Variants in PPEF2 observed in about 807,000 individuals in gnomAD.
PPEF2 encodes protein phosphatase with EF-hand domain 2.
Under a neutral mutation model 84.7 loss-of-function variants are expected in PPEF2, and 84 were observed. The ratio of observed to expected loss-of-function variants is 0.99; its 90% confidence interval spans 0.83 to 1.19. The LOEUF (loss-of-function observed/expected upper bound fraction) is 1.19. Among genes scored for constraint, PPEF2 ranks in the 50% most tolerant of loss-of-function variants. The pLI is 0.00. For missense variants in PPEF2, 924 were observed against 937.5 expected (o/e 0.99, Z 0.19); for synonymous variants, 346 against 345.2 (o/e 1.00, Z -0.03).
intron 13 of PPEF2, among the ~76,000 whole-genome samples, chr4:75,871,497 G>A (rs1254496906): frequency 1.3e-5 from 2 of 152,026 alleles, no homozygotes; most frequent in Non-Finnish European, 2.9e-5. Context: ...TTTTGAGACA[G>A]CCTTGCTCTG....
chr4:75,898,332 T>C (rs1847731), intron 1 of PPEF2, among the ~76,000 whole-genome samples: 115,792 of 152,198 alleles, frequency 0.76, 45,438 homozygotes, highest in East Asian at 0.99. Context: ...GTTCCCAACA[T>C]TCGTCTCTCT....
At chr4:75,873,825 G>A (rs961157904) in intron 11 of PPEF2, among the ~76,000 whole-genome samples, 1 of 151,722 alleles carries the variant, frequency 6.6e-6, no homozygotes, top group African/African-American at 2.4e-5. Context: ...TTGCAGAAGA[G>A]GCCAGGCATG....
chr4:75,885,737 G>T (rs532005757), intron 7 of PPEF2, among the ~76,000 whole-genome samples: 1 of 151,982 alleles, frequency 6.6e-6, no homozygotes, highest in African/African-American at 2.4e-5. Context: ...TAGGCCAGGC[G>T]CGGTGGCTCA....
At position 75,890,708 on chromosome 4, in the gene PPEF2, C is replaced by T. The variant is rs184628564; in HGVS notation, c.242-576G>A. 1.8e-4 allele frequency among the ~76,000 whole-genome samples: 27 copies of T among 152,108 alleles called. No individual in the cohort carries two copies. The East Asian group carries it at 5.0e-3, about 28-fold the overall frequency. On this transcript the variant is annotated intron_variant, in intron 4 of 16. Transcript: ENST00000286719. ...AAATTTAGGGACCTGGATTTGCAAG[C>T]AGAAGGAAAGGGGAAAGCCAGTGTG... is the stretch of plus-strand genomic sequence containing the variant.
chr4:75,870,518 C>G (rs1417971491), intron 13 of PPEF2, among the ~76,000 whole-genome samples: 1 of 152,218 alleles, frequency 6.6e-6, no homozygotes, highest in African/African-American at 2.4e-5. Context: ...ATCTTAATTT[C>G]TAACTCTGTT....
At chr4:75,899,375 A>G (rs1020426432) in intron 1 of PPEF2, among the ~76,000 whole-genome samples, 1 of 152,188 alleles carries the variant, frequency 6.6e-6, no homozygotes, top group African/African-American at 2.4e-5. Flanking sequence ...ATATACACCC[A>G]AAGTGTAGTG....
chr4:75,897,856 C>A (rs536862563), intron 1 of PPEF2, among the ~76,000 whole-genome samples: 1 of 152,232 alleles, frequency 6.6e-6, no homozygotes, highest in African/African-American at 2.4e-5. Flanking sequence ...CCTAACCCAG[C>A]GGTGCTAGAG....
At chr4:75,876,789 C>G (rs781778073) in intron 10 of PPEF2, 116 bp from the exon 11 acceptor site, 10 of 1,176,822 alleles carry the variant, frequency 8.5e-6, no homozygotes, top group Non-Finnish European at 1.0e-5. Flanking sequence ...GCAGAACACT[C>G]AAGCCCGGGA....
chr4:75,884,492 A>G (rs1002426920), intron 8 of PPEF2, 102 bp downstream of exon 8: 1 of 1,342,154 alleles, frequency 7.5e-7, no homozygotes, highest in African/African-American at 1.5e-5. Flanking sequence ...AAATTGGAAA[A>G]CTAGTTTTAA....
Position 75,861,811 on chromosome 4 carries a change from A to G in PPEF2, c.2009-891T>C, listed in dbSNP as rs1427572438. On this transcript the variant is annotated intron_variant, in intron 16 of 16. Coordinates refer to ENST00000286719, the MANE Select transcript of PPEF2 (RefSeq NM_006239.3). ...TTTTTAGTAGAGACGGGGTTTCACC[A>G]TGTTAGCCAGGATGGTCTCGATCTC... 1.6e-3 allele frequency among the ~76,000 whole-genome samples: 204 copies of G among 127,852 alleles called. No individual in the cohort carries two copies. In the Middle Eastern group the frequency reaches 0.052, roughly 32 times the overall value. 83.9% of individuals were successfully genotyped at this position (127,852 alleles called of 152,430 possible).
intron 2 of PPEF2, among the ~76,000 whole-genome samples, chr4:75,893,074 A>C (rs1724927931): frequency 6.6e-6 from 1 of 152,218 alleles, no homozygotes; most frequent in Admixed American, 6.5e-5. Context: ...AGCTGGGAGG[A>C]ACTTAAACAA....
At position 75,867,472 on chromosome 4, in the gene PPEF2, C is replaced by T. The variant is rs536697272; in HGVS notation, c.1650-53G>A. The T allele has an allele frequency of 5.6e-5, 72 of 1,295,846 alleles. No individual in the cohort carries two copies. The African/African-American group carries it at 9.8e-4, about 18-fold the overall frequency. The allele number at this position is 1,295,846 out of a possible 1,614,324, so 80.3% of individuals were successfully genotyped here. On this transcript the variant is annotated intron_variant, in intron 13 of 16. Coordinates refer to ENST00000286719, the MANE Select transcript of PPEF2 (RefSeq NM_006239.3). ...TTAACACACTGGTATAGAAAAAATACTTAGAGATTTTACTATATTTCCACT... is the reference window on the plus strand; with the variant it reads ...TTAACACACTGGTATAGAAAAAATATTTAGAGATTTTACTATATTTCCACT...
Position 75,864,441 on chromosome 4 carries a change from T to C in PPEF2, c.2007A>G (p.Ser669=), listed in dbSNP as rs78305413. The change falls in exon 16 of 17, where the codon TCA becomes TCG. Residue 669 remains serine (S), a splice_region_variant and synonymous_variant. Transcript: ENST00000286719. ...TGATAGAATAATGAGTGCCTTTACC[T>C]GAATGATCACTGTCTATGATCCTAA... ...TIFRIIDSDH[S]GFISLDEFRQ... The C allele has an allele frequency of 1.9e-6, 3 of 1,596,580 alleles. No individual in the cohort carries two copies. Among genetic ancestry groups the C allele is most frequent in the Admixed American group, 1.7e-5 (1 of 59,970 alleles).
intron 4 of PPEF2, among the ~76,000 whole-genome samples, chr4:75,891,369 C>G (rs1014233205): frequency 2.6e-5 from 4 of 152,088 alleles, no homozygotes; most frequent in African/African-American, 9.7e-5. Context: ...AGTTGCTGGA[C>G]TGGCTGCGAT....
In PPEF2 at chr4:75,861,930, A is replaced by T. The variant is rs142750980; in HGVS notation, c.2009-1010T>A. On this transcript the variant is annotated intron_variant, in intron 16 of 16. Transcript: ENST00000286719. ...AGCCTATGCAACAGTTTTATAGCTA[A>T]AAAAAGCTATAACACCAAAAGCATA... is the stretch of plus-strand genomic sequence containing the variant. Among the ~76,000 whole-genome samples the T allele has an allele frequency of 9.5e-3, 1,440 of 151,510 alleles. 29 individuals carry two copies. Among genetic ancestry groups the T allele is most frequent in the African/African-American group, 0.033 (1,383 of 41,394 alleles).
At position 75,898,072 on chromosome 4, in the gene PPEF2, A is replaced by C. The variant is rs147156185; in HGVS notation, c.-58-1689T>G. 3.7e-3 allele frequency among the ~76,000 whole-genome samples: 565 copies of C among 152,340 alleles called. 2 individuals carry two copies. The highest frequency in any genetic ancestry group is 0.01 in the Admixed American group (153 of 15,298). ...AGGGATGGGCCGAATTAAAGGAATA[A>C]GTTGGGCTAGTTAACTGCAGCAGGA... is the stretch of plus-strand genomic sequence containing the variant. On this transcript the variant is annotated intron_variant, in intron 1 of 16. Transcript: ENST00000286719.
chr4:75,866,334 T>C lies in PPEF2; in HGVS notation c.1775A>G (p.Asp592Gly), dbSNP rs759020926. The C allele has an allele frequency of 6.2e-7, 1 of 1,613,536 alleles. No individual in the cohort carries two copies. Among genetic ancestry groups the C allele is most frequent in the Non-Finnish European group, 8.5e-7 (1 of 1,179,768 alleles). ...CACAGACTCCACCGCTGCTGCCCAG[T>C]CACTCAAGGTGATTAAACCTACAGG... is the stretch of plus-strand genomic sequence containing the variant. ...ADKVGLITLS[D>G]WAAAVESVLH... The change falls in exon 15 of 17, where the codon GAC (aspartate) becomes GGC (glycine). Residue 592 changes from aspartate to glycine, a missense_variant. Physicochemically the swap from Asp to Gly is moderately conservative, Grantham distance 94. Transcript: ENST00000286719.
intron 6 of PPEF2, among the ~76,000 whole-genome samples, 198 bp from the exon 7 acceptor site, chr4:75,887,096 T>C (rs1284354508): frequency 6.6e-6 from 1 of 152,246 alleles, no homozygotes; most frequent in African/African-American, 2.4e-5. Context: ...ATATTTTTTC[T>C]GCCGGATTAT....
intron 13 of PPEF2, 45 bp downstream of exon 13, chr4:75,871,980 C>A (rs898716418): frequency 1.2e-5 from 19 of 1,520,350 alleles, no homozygotes; most frequent in East Asian, 2.3e-5. Context: ...ATTCTATGAA[C>A]ACTATAATTT....
Sources: gnomAD v4.1 joint callset for allele counts (sites outside exome capture counted in the v4.1 genomes callset) on GRCh38, gnomAD v4.1.1 for gene constraint, MANE v1.5 for transcripts, NCBI Gene and HGNC (gene_info 2026-07-23, HGNC 2026-07-21) for gene names.